CEACAM20: variants seen among roughly 807,000 people sequenced by gnomAD.
CEACAM20 encodes cell adhesion molecule CEACAM20.
CEACAM20 carries 50 observed loss-of-function variants against 61.2 expected under a neutral mutation model. The observed-to-expected ratio is 0.82, with a 90% CI of 0.65 to 1.03. The LOEUF (loss-of-function observed/expected upper bound fraction) is 1.03, where lower values mean the gene tolerates loss of function less well. Ranked by LOEUF, CEACAM20 falls within the 50% of genes least tolerant of loss-of-function variation. The probability of loss-of-function intolerance (pLI) is 0.00; values close to 1 mark genes in which losing one functional copy is unlikely to be tolerated. For missense variants in CEACAM20, 683 were observed against 736.4 expected (o/e 0.93, Z 0.84); for synonymous variants, 282 against 287.7 (o/e 0.98, Z 0.20).
chr19:44,525,964 G>A (rs1971518855), intron 1 of CEACAM20, among the ~76,000 whole-genome samples: 1 of 152,182 alleles, frequency 6.6e-6, no homozygotes, highest in Non-Finnish European at 1.5e-5. Context: ...TCAGAGAGGT[G>A]ATGTCACTCA....
rs368576958 is a variant in CEACAM20, at chr19:44,511,077, G to T, written c.1690C>A (p.Leu564Ile). Residue 564 changes from leucine to isoleucine, a missense_variant, in exon 11 of 12, where the codon CTC becomes ATC. Physicochemically the swap from Leu to Ile is conservative, Grantham distance 5. Transcript: ENST00000614924. ...TTTGGCACAGTGGAGACCAATCTGA[G>T]TGGGGGCATCAGAGGTTTGGGTGGT... The part of the protein sequence containing the change: ...KPPPKPLMPP[L>I]RLVSTVPKNM... The T allele has an allele frequency of 7.1e-5, 114 of 1,613,882 alleles. No individual in the cohort carries two copies. The highest frequency in any genetic ancestry group is 9.0e-5 in the Non-Finnish European group (106 of 1,179,876).
intron 2 of CEACAM20, 73 bp from the exon 3 acceptor site, chr19:44,524,334 G>T (rs1599686980): frequency 2.7e-6 from 4 of 1,489,472 alleles, no homozygotes; most frequent in Non-Finnish European, 3.6e-6. Context: ...GTCACAGAGG[G>T]ACCCAGAGAA....
intron 1 of CEACAM20, among the ~76,000 whole-genome samples, chr19:44,526,679 C>T (rs1297413307): frequency 3.3e-5 from 5 of 151,886 alleles, no homozygotes; most frequent in African/African-American, 4.8e-5. Context: ...GAGTTCGAGA[C>T]CTGGTCAACA....
chr19:44,527,140 G>A (rs114624195), intron 1 of CEACAM20, among the ~76,000 whole-genome samples: 1,801 of 152,220 alleles, frequency 0.012, 34 homozygotes, highest in African/African-American at 0.041. Context: ...CTCTTTGTGA[G>A]CCTCAGTTTC....
At chr19:44,522,582 A>G in intron 4 of CEACAM20, 52 bp downstream of exon 4, 1 of 1,577,758 alleles carries the variant, frequency 6.3e-7, no homozygotes, top group Non-Finnish European at 8.6e-7. Flanking sequence ...TGACATGGCC[A>G]GCATCTGACG....
intron 1 of CEACAM20, among the ~76,000 whole-genome samples, chr19:44,528,946 CT>C (rs1188981142): frequency 7.7e-6 from 1 of 129,492 alleles, no homozygotes; most frequent in East Asian, 2.6e-4. Flanking sequence ...CTGTATTTCT[CT>C]CTTTCTTTCT....
At chr19:44,514,453 C>CT (rs36006026) in intron 6 of CEACAM20, among the ~76,000 whole-genome samples, 27,239 of 145,198 alleles carry the variant, frequency 0.19, 2,542 homozygotes, top group Middle Eastern at 0.34. Context: ...TGCATCTCCA[C>CT]TTTTTTTTTT....
At chr19:44,520,432 G>C in intron 5 of CEACAM20, 42 bp downstream of exon 5, 1 of 1,592,436 alleles carries the variant, frequency 6.3e-7, no homozygotes, top group Non-Finnish European at 8.6e-7. Flanking sequence ...GAGAAGGAGG[G>C]AAGCAGGGAG....
intron 1 of CEACAM20, among the ~76,000 whole-genome samples, chr19:44,528,948 CTTTCTTTCTT>C (rs1463262636): frequency 7.4e-5 from 9 of 121,896 alleles, no homozygotes; most frequent in African/African-American, 2.7e-4. Context: ...GTATTTCTCT[CTTTCTTTCTT>C]TTTTTTTTTT....
intron 1 of CEACAM20, among the ~76,000 whole-genome samples, chr19:44,526,619 G>A (rs573521324): frequency 6.6e-6 from 1 of 152,270 alleles, no homozygotes; most frequent in East Asian, 1.9e-4. Flanking sequence ...GCTCATGCTT[G>A]TAATCCCAGC....
intron 11 of CEACAM20, among the ~76,000 whole-genome samples, chr19:44,508,447 T>C (rs1354041560): frequency 6.6e-6 from 1 of 152,206 alleles, no homozygotes; most frequent in Non-Finnish European, 1.5e-5. Context: ...TGGAGTGCAG[T>C]AGCTCGACCT....
rs146774343 is a variant in CEACAM20 at position 44,507,141 on chromosome 19, C to T, written c.1738-927G>A. ...AGAGGCTGGGAATGTTAATGTACCACTTTCTCAGCCTCTGTTGCTACAAGG... is the reference window on the plus strand; with the variant it reads ...AGAGGCTGGGAATGTTAATGTACCATTTTCTCAGCCTCTGTTGCTACAAGG... On this transcript the variant is annotated intron_variant, in intron 11 of 11. Coordinates refer to ENST00000614924, the MANE Select transcript of CEACAM20 (RefSeq NM_001102597.3). 6.4e-4 allele frequency among the ~76,000 whole-genome samples: 97 copies of T among 152,336 alleles called. 1 individual carries two copies. In the Middle Eastern group the frequency reaches 0.014, roughly 21 times the overall value.
intron 6 of CEACAM20, among the ~76,000 whole-genome samples, chr19:44,516,159 T>C (rs1323861491): frequency 1.3e-5 from 2 of 152,170 alleles, no homozygotes. Flanking sequence ...ACAGTGACAC[T>C]GTTACCTTCT....
chr19:44,527,285 T>C (rs1044815477), intron 1 of CEACAM20, among the ~76,000 whole-genome samples: 1 of 152,222 alleles, frequency 6.6e-6, no homozygotes, highest in South Asian at 2.1e-4. Flanking sequence ...ACGATGATGA[T>C]GATGGTGGTG....
rs1317062396 is a variant in CEACAM20, at chr19:44,520,607, G to A, written c.897C>T (p.His299=). The A allele has an allele frequency of 2.5e-6, 4 of 1,614,034 alleles. No homozygotes were observed. Among genetic ancestry groups the A allele is most frequent in the South Asian group, 1.1e-5 (1 of 91,082 alleles). The change falls in exon 5 of 12, where the codon CAC becomes CAT. Residue 299 remains histidine, a synonymous_variant. Transcript: ENST00000614924. ...LSGQPLLPSE[H]LQLSADNRTL... ...TCCTGTTGTCAGCTGACAGCTGCAG[G>A]TGCTCACTGGGCAGGAGGGGCTGGC...
chr19:44,518,198 G>A (rs1240131282), intron 5 of CEACAM20, among the ~76,000 whole-genome samples: 2 of 140,492 alleles, frequency 1.4e-5, no homozygotes, highest in African/African-American at 2.9e-5. Flanking sequence ...AGGCAGGCAG[G>A]CAAGAAGGAA....
At chr19:44,522,592 G>A (rs372225801) in intron 4 of CEACAM20, 42 bp downstream of exon 4, 221 of 1,592,572 alleles carry the variant, frequency 1.4e-4, no homozygotes, top group Non-Finnish European at 1.7e-4. Context: ...AGCATCTGAC[G>A]CTCAGAAGAA....
chr19:44,513,426 T>A, intron 6 of CEACAM20, 137 bp from the exon 7 acceptor site: 1 of 542,090 alleles, frequency 1.8e-6, no homozygotes, highest in Non-Finnish European at 3.3e-6. Flanking sequence ...GGTATCAGAT[T>A]GTGGTTTTTG....
Position 44,517,092 on chromosome 19 carries a change from G to C in CEACAM20, c.1163C>G (p.Thr388Ser). 1.2e-6 allele frequency: 2 copies of C among 1,611,536 alleles called. No homozygotes were observed. The highest frequency in any genetic ancestry group is 1.7e-4 in the Middle Eastern group (1 of 6,058). Reference protein sequence around the residue: ...ESKPGAEYRWTLEHSTGEHLG... With the variant: ...ESKPGAEYRWSLEHSTGEHLG... ...GTGCTCCCCGGTGGAGTGTTCAAGAGTCCAGCGATACTCAGCACCTGGCTT... is the reference window on the plus strand; with the variant it reads ...GTGCTCCCCGGTGGAGTGTTCAAGACTCCAGCGATACTCAGCACCTGGCTT... The change falls in exon 6 of 12, where the codon ACT (threonine) becomes AGT (serine). Residue 388 changes from threonine (T) to serine (S), a missense_variant. Coordinates refer to ENST00000614924, the MANE Select transcript of CEACAM20 (RefSeq NM_001102597.3).
Sources: allele counts gnomAD v4.1 joint callset (sites outside exome capture counted in the v4.1 genomes callset), GRCh38; gene constraint gnomAD v4.1.1; transcripts MANE v1.5; gene names NCBI Gene and HGNC (gene_info 2026-07-23, HGNC 2026-07-21).